The following IL27RA variants were observed in gnomAD, a reference collection of about 807,000 sequenced individuals.
The protein encoded by IL27RA is interleukin 27 receptor subunit alpha.
Under a neutral mutation model 80.8 loss-of-function variants are expected in IL27RA, and 61 were observed. That is an observed-to-expected ratio of 0.76 (90% CI 0.61 to 0.93). IL27RA has a LOEUF of 0.93. Among genes scored for constraint, IL27RA ranks in the 40% least tolerant of loss-of-function variants. The pLI is 0.00. For missense variants in IL27RA, 735 were observed against 808.1 expected (o/e 0.91, Z 1.10); for synonymous variants, 316 against 332.5 (o/e 0.95, Z 0.54).
At chr19:14,047,168 C>G (rs1251793244) in intron 8 of IL27RA, among the ~76,000 whole-genome samples, 1 of 149,430 alleles carries the variant, frequency 6.7e-6, no homozygotes, top group Non-Finnish European at 1.5e-5. Flanking sequence ...CTCAGCTTCC[C>G]GAGTAGCTGG....
chr19:14,049,015 T>C lies in IL27RA; in HGVS notation c.1176T>C (p.Thr392=), dbSNP rs747877815. 6.8e-6 allele frequency: 11 copies of C among 1,613,922 alleles called. No homozygotes were observed. In the Admixed American group the frequency reaches 1.2e-4, roughly 17 times the overall value. The change falls in exon 9 of 14, where the codon ACT becomes ACC. Residue 392 remains threonine, a synonymous_variant. Transcript: ENST00000263379. The part of the protein sequence containing the change: ...NFTVGVPYRI[T]VTAVSASGLA... Reference sequence around the variant, plus strand: ...CTGTCGGGGTCCCCTATCGAATCACTGTGACCGCAGTCTCTGCTTCAGGCT... The same window carrying C: ...CTGTCGGGGTCCCCTATCGAATCACCGTGACCGCAGTCTCTGCTTCAGGCT...
chr19:14,040,962 G>A (rs1301381599), intron 4 of IL27RA, among the ~76,000 whole-genome samples: 1 of 150,322 alleles, frequency 6.7e-6, no homozygotes, highest in African/African-American at 2.4e-5. Context: ...GGAGTGCAAT[G>A]GCATGATCTC....
chr19:14,040,077 C>T (rs116001932), intron 4 of IL27RA, among the ~76,000 whole-genome samples, 167 bp downstream of exon 4: 4 of 151,996 alleles, frequency 2.6e-5, no homozygotes, highest in Admixed American at 6.6e-5. Flanking sequence ...AAATTCTCCT[C>T]CCATGGCTGG....
intron 12 of IL27RA, 44 bp downstream of exon 12, chr19:14,051,744 C>G: frequency 6.7e-7 from 1 of 1,498,860 alleles, no homozygotes; most frequent in Non-Finnish European, 9.2e-7. Flanking sequence ...GTGGGGAAGG[C>G]AGCTGGGCAT....
In IL27RA at chr19:14,042,536, C is replaced by A; in HGVS notation, c.618C>A (p.Gly206=). 1 of 1,614,202 alleles carries A rather than the reference C, an allele frequency of 6.2e-7. No individual in the cohort carries two copies. Among genetic ancestry groups the A allele is most frequent in the Non-Finnish European group, 8.5e-7 (1 of 1,180,036 alleles). The change falls in exon 5 of 14, where the codon GGC becomes GGA. Residue 206 remains glycine, a synonymous_variant. Transcript: ENST00000263379. ...TAGCCACTGGCTACAAAGTGTATGG[C>A]CGCTGCCGGATGGAGAAAGAAGAGG... ...LELATGYKVY[G]RCRMEKEEDL...
intron 6 of IL27RA, among the ~76,000 whole-genome samples, chr19:14,044,308 TG>T (rs1794737738): frequency 6.6e-6 from 1 of 151,762 alleles, no homozygotes; most frequent in African/African-American, 2.4e-5. Flanking sequence ...GGGGCGATCT[TG>T]GCTCACCGCA....
chr19:14,042,270 G>A (rs557902088), intron 4 of IL27RA, among the ~76,000 whole-genome samples, 183 bp from the exon 5 acceptor site: 1 of 152,122 alleles, frequency 6.6e-6, no homozygotes, highest in East Asian at 1.9e-4. Flanking sequence ...GGAGGCTGAG[G>A]CAGGAGAATT....
chr19:14,050,470 C>G (rs943685695), intron 10 of IL27RA, among the ~76,000 whole-genome samples: 2 of 149,998 alleles, frequency 1.3e-5, no homozygotes, highest in African/African-American at 4.9e-5. Context: ...TGACTGCACT[C>G]CATCCTGGGC....
intron 8 of IL27RA, among the ~76,000 whole-genome samples, chr19:14,047,129 C>T (rs1265906701): frequency 6.6e-6 from 1 of 151,530 alleles, no homozygotes; most frequent in East Asian, 2.0e-4. Flanking sequence ...CTGCAACTTC[C>T]ATCTCCTGGG....
rs766260613 is a variant in IL27RA at position 14,050,916 on chromosome 19, G to A, written c.1528+33G>A. The A allele has an allele frequency of 6.9e-6, 11 of 1,589,062 alleles. No individual in the cohort carries two copies. In the Admixed American group the frequency reaches 1.5e-4, roughly 22 times the overall value. On this transcript the variant is annotated intron_variant, in intron 11 of 13. Transcript: ENST00000263379. ...GGTTGGGATGGGATTGCCACAGGGAGGGGATGTACTCCACAGTGGGGAGAG... is the reference window on the plus strand; with the variant it reads ...GGTTGGGATGGGATTGCCACAGGGAAGGGATGTACTCCACAGTGGGGAGAG...
chr19:14,044,220 C>A (rs1599301087), intron 6 of IL27RA, among the ~76,000 whole-genome samples: 1 of 151,868 alleles, frequency 6.6e-6, no homozygotes, highest in African/African-American at 2.4e-5. Context: ...CCTTCTTAGA[C>A]CACACAATCC....
intron 8 of IL27RA, 132 bp downstream of exon 8, chr19:14,046,750 A>C: frequency 3.5e-6 from 3 of 858,694 alleles, no homozygotes; most frequent in Non-Finnish European, 5.2e-6. Flanking sequence ...TAATCTCAGC[A>C]CTTTGGGAGG....
chr19:14,031,782 C>T lies in IL27RA; in HGVS notation c.-91C>T. ...GGGTGGTTCGGCTTCCCGTTGCCGC[C>T]TCGGGCGCTGTACCCAGAGCTCGAA... is the stretch of plus-strand genomic sequence containing the variant. On this transcript the variant is annotated 5_prime_UTR_variant, in exon 1 of 14. Coordinates refer to ENST00000263379, the MANE Select transcript of IL27RA (RefSeq NM_004843.4). The T allele has an allele frequency of 3.6e-6, 4 of 1,115,274 alleles. No homozygotes were observed. In the South Asian group the frequency reaches 4.6e-5, roughly 13 times the overall value. The allele number at this position is 1,115,274 out of a possible 1,614,324, so 69.1% of individuals were successfully genotyped here. A position where few individuals can be genotyped will look rare whatever the true frequency, so the allele number is the denominator to read the frequency against.
At chr19:14,040,850 G>A (rs1939907581) in intron 4 of IL27RA, among the ~76,000 whole-genome samples, 1 of 151,080 alleles carries the variant, frequency 6.6e-6, no homozygotes, top group South Asian at 2.1e-4. Context: ...AGAAGAAGAA[G>A]AGTTCAGAAT....
chr19:14,050,682 A>G, intron 10 of IL27RA, 76 bp from the exon 11 acceptor site: 1 of 1,483,570 alleles, frequency 6.7e-7, no homozygotes, highest in South Asian at 1.3e-5. Flanking sequence ...AGTGTTGCAG[A>G]CAGCAGGAAG....
intron 6 of IL27RA, 102 bp from the exon 7 acceptor site, chr19:14,046,052 A>C (rs1244528466): frequency 1.8e-6 from 2 of 1,117,712 alleles, no homozygotes; most frequent in African/African-American, 3.3e-5. Context: ...AACAAACAAA[A>C]AATGCTTCAC....
chr19:14,048,018 C>T (rs550964775), intron 8 of IL27RA, among the ~76,000 whole-genome samples: 57 of 147,066 alleles, frequency 3.9e-4, no homozygotes, highest in South Asian at 8.6e-4. Context: ...AGTGCAGTGG[C>T]GTGATCTCAG....
In IL27RA at chr19:14,039,890, C is replaced by G. The variant is rs764852881; in HGVS notation, c.514C>G (p.Gln172Glu). ...CTGCCAGTTCCACTACCGAAGATGT[C>G]AGGAGGCGGCCTGGACCCTGGTGAG... is the stretch of plus-strand genomic sequence containing the variant. ...LICQFHYRRC[Q>E]EAAWTLLEPE... Residue 172 changes from glutamine (Q) to glutamate (E), a missense_variant, in exon 4 of 14, where the codon CAG (glutamine) becomes GAG (glutamate). Physicochemically the swap from Gln to Glu is conservative, Grantham distance 29 (BLOSUM62 2). Coordinates refer to ENST00000263379, the MANE Select transcript of IL27RA (RefSeq NM_004843.4). 50 of 1,614,000 alleles carry G rather than the reference C, an allele frequency of 3.1e-5. No homozygotes were observed. In the Admixed American group the frequency reaches 5.5e-4, roughly 18 times the overall value.
intron 2 of IL27RA, among the ~76,000 whole-genome samples, chr19:14,032,919 T>G (rs1413749931): frequency 6.6e-6 from 1 of 151,398 alleles, no homozygotes; most frequent in Non-Finnish European, 1.5e-5. Flanking sequence ...TTCTTTGCTG[T>G]GTCACCCTGG....
Sources: allele counts gnomAD v4.1 joint callset (sites outside exome capture counted in the v4.1 genomes callset), GRCh38; gene constraint gnomAD v4.1.1; transcripts MANE v1.5; gene names NCBI Gene and HGNC (gene_info 2026-07-23, HGNC 2026-07-21).